The following MAPK8 variants were observed in gnomAD, a reference collection of about 807,000 sequenced individuals.
MAPK8 encodes JUN N-terminal kinase.
A neutral mutation model predicts 52.9 loss-of-function variants in MAPK8; 13 were observed. The observed-to-expected ratio is 0.25, with a 90% CI of 0.16 to 0.39. MAPK8 has a LOEUF of 0.39. Among genes scored for constraint, MAPK8 ranks in the 10% least tolerant of loss-of-function variants. The pLI is 1.00. For missense variants in MAPK8, 300 were observed against 519.2 expected, an observed-to-expected ratio of 0.58 and a Z score of 4.10; for synonymous variants, 191 against 169.8, an observed-to-expected ratio of 1.12 and a Z score of -0.97.
At chr10:48,346,269 C>T (rs1336886824) in intron 1 of MAPK8, among the ~76,000 whole-genome samples, 1 of 152,194 alleles carries the variant, frequency 6.6e-6, no homozygotes, top group African/African-American at 2.4e-5. Flanking sequence ...TAGTTTGTAG[C>T]AATTACTTTT....
chr10:48,316,527 AT>A (rs1283146300), intron 1 of MAPK8, among the ~76,000 whole-genome samples: 9 of 152,212 alleles, frequency 5.9e-5, no homozygotes, highest in African/African-American at 1.9e-4. Context: ...CGGAAATATA[AT>A]TTAGTCTGGT....
intron 1 of MAPK8, among the ~76,000 whole-genome samples, chr10:48,339,904 A>G (rs934548867): frequency 3.9e-5 from 6 of 152,156 alleles, no homozygotes; most frequent in South Asian, 4.1e-4. Flanking sequence ...AAAATAAGAC[A>G]TGTTGGTGAG....
chr10:48,314,277 A>G (rs903184794), intron 1 of MAPK8, among the ~76,000 whole-genome samples: 2 of 152,094 alleles, frequency 1.3e-5, no homozygotes, highest in African/African-American at 2.4e-5. Flanking sequence ...TCCTCATCCT[A>G]TCATGGGGGC....
Position 48,424,772 on chromosome 10 carries a change from C to G in MAPK8, c.688+613C>G, listed in dbSNP as rs530996843. Among the ~76,000 whole-genome samples the G allele has an allele frequency of 1.1e-4, 17 of 152,156 alleles. No homozygotes were observed. In the South Asian group the frequency reaches 3.3e-3, roughly 30 times the overall value. Reference sequence around the variant, plus strand: ...TATTGTTTCATATGTTAATTCTGAACCCTGCTCAATTGTAATTATGCACAA... The same window carrying G: ...TATTGTTTCATATGTTAATTCTGAAGCCTGCTCAATTGTAATTATGCACAA... On this transcript the variant is annotated intron_variant, in intron 7 of 11. Coordinates refer to ENST00000374189, the MANE Select transcript of MAPK8 (RefSeq NM_001323329.2).
intron 1 of MAPK8, among the ~76,000 whole-genome samples, chr10:48,392,870 A>C (rs192235251): frequency 2.6e-5 from 4 of 152,180 alleles, no homozygotes; most frequent in South Asian, 2.1e-4. Flanking sequence ...TTTCCTTATA[A>C]ATTTCCCAGT....
intron 1 of MAPK8, among the ~76,000 whole-genome samples, chr10:48,381,558 A>T (rs2132733593): frequency 6.6e-6 from 1 of 152,316 alleles, no homozygotes; most frequent in East Asian, 1.9e-4. Flanking sequence ...CTGTATTTGT[A>T]GACAAATCAT....
At chr10:48,420,112 C>G (rs776143082) in intron 5 of MAPK8, 43 bp from the exon 6 acceptor site, 4 of 1,441,014 alleles carry the variant, frequency 2.8e-6, no homozygotes, top group African/African-American at 1.4e-5. Flanking sequence ...TAGGATTTTC[C>G]TATATATCAT....
chr10:48,384,668 A>G (rs1431581786), intron 1 of MAPK8, among the ~76,000 whole-genome samples: 1 of 152,264 alleles, frequency 6.6e-6, no homozygotes, highest in Non-Finnish European at 1.5e-5. Flanking sequence ...AACAGCCCAA[A>G]TAAAATGTAC....
At chr10:48,427,669 T>G (rs1056797194) in intron 10 of MAPK8, among the ~76,000 whole-genome samples, 1 of 152,136 alleles carries the variant, frequency 6.6e-6, no homozygotes, top group Non-Finnish European at 1.5e-5. Flanking sequence ...TTTTTTTGTA[T>G]TTTTAGTAGA....
In MAPK8 at chr10:48,385,211, A is replaced by G. The variant is rs1193120831; in HGVS notation, c.-49-16401A>G. Reference sequence around the variant, plus strand: ...AGGGGTAGTGAGACATGACTACTGTACATTTAAAATGCCTCTCTGGGCCTG... The same window carrying G: ...AGGGGTAGTGAGACATGACTACTGTGCATTTAAAATGCCTCTCTGGGCCTG... On this transcript the variant is annotated intron_variant, in intron 1 of 11. Transcript: ENST00000374189. Among the ~76,000 whole-genome samples, 3 of 152,216 alleles carry G rather than the reference A, an allele frequency of 2.0e-5. No homozygotes were observed. In the East Asian group the frequency reaches 5.8e-4, roughly 29 times the overall value.
chr10:48,357,658 A>G (rs1426281188), intron 1 of MAPK8, among the ~76,000 whole-genome samples: 1 of 152,152 alleles, frequency 6.6e-6, no homozygotes, highest in Non-Finnish European at 1.5e-5. Context: ...TCGGCCTTCC[A>G]AAGTGGTGGG....
intron 1 of MAPK8, among the ~76,000 whole-genome samples, chr10:48,397,592 T>C (rs754172715): frequency 6.6e-6 from 1 of 152,122 alleles, no homozygotes; most frequent in African/African-American, 2.4e-5. Flanking sequence ...AGTTCAGTAT[T>C]CTTTTTTTCT....
chr10:48,435,052 G>T lies in MAPK8; in HGVS notation c.*23G>T. On this transcript the variant is annotated 3_prime_UTR_variant, in exon 12 of 12. Coordinates refer to ENST00000374189, the MANE Select transcript of MAPK8 (RefSeq NM_001323329.2). ...TGACTACTTGGGCCATCGGGGGGTG[G>T]GAGGGATGGGGAGTCGGTTAGTCAT... 2.1e-6 allele frequency: 3 copies of T among 1,412,454 alleles called. No homozygotes were observed. The highest frequency in any genetic ancestry group is 2.7e-5 in the South Asian group (2 of 74,492). The allele number at this position is 1,412,454 out of a possible 1,614,324, so 87.5% of individuals were successfully genotyped here.
intron 1 of MAPK8, among the ~76,000 whole-genome samples, chr10:48,337,429 T>C (rs191675805): frequency 6.6e-6 from 1 of 151,888 alleles, no homozygotes; most frequent in African/African-American, 2.4e-5. Context: ...AGAAACAATA[T>C]ATGAAAACCT....
At chr10:48,329,992 T>A (rs540490764) in intron 1 of MAPK8, among the ~76,000 whole-genome samples, 14 of 152,314 alleles carry the variant, frequency 9.2e-5, no homozygotes, top group African/African-American at 3.1e-4. Flanking sequence ...AAGGTAAAGA[T>A]TAAAAGTACC....
At chr10:48,366,952 A>G (rs559505784) in intron 1 of MAPK8, among the ~76,000 whole-genome samples, 37 of 152,298 alleles carry the variant, frequency 2.4e-4, no homozygotes, top group Admixed American at 7.2e-4. Flanking sequence ...TTGTTTTCCT[A>G]ACTTGAAAAT....
chr10:48,403,881 T>C (rs903617985), intron 2 of MAPK8, among the ~76,000 whole-genome samples: 7 of 150,798 alleles, frequency 4.6e-5, no homozygotes, highest in Non-Finnish European at 1.0e-4. Context: ...CCGGAGTAGC[T>C]GGGGCTACAG....
chr10:48,405,154 A>G (rs562418958), intron 3 of MAPK8, among the ~76,000 whole-genome samples, 173 bp downstream of exon 3: 2 of 151,348 alleles, frequency 1.3e-5, no homozygotes, highest in African/African-American at 2.4e-5. Context: ...CCTCAACTTT[A>G]TTAAATTGTA....
intron 5 of MAPK8, 195 bp downstream of exon 5, chr10:48,410,363 C>T (rs1434327202): frequency 4.9e-6 from 2 of 404,916 alleles, no homozygotes; most frequent in South Asian, 1.2e-4. Flanking sequence ...TGCATCTTTG[C>T]CCTGGCATGA....
Sources: allele counts gnomAD v4.1 joint callset (sites outside exome capture counted in the v4.1 genomes callset), GRCh38; gene constraint gnomAD v4.1.1; transcripts MANE v1.5; gene names NCBI Gene and HGNC (gene_info 2026-07-23, HGNC 2026-07-21).